Variants in LEP observed in about 807,000 individuals in gnomAD.
The protein encoded by LEP is leptin (murine obesity homolog).
LEP carries 6 observed loss-of-function variants against 9.8 expected under a neutral mutation model. The observed-to-expected ratio is 0.61, with a 90% CI of 0.34 to 1.21. The LOEUF (loss-of-function observed/expected upper bound fraction) is 1.21, where lower values mean the gene tolerates loss of function less well. Among genes scored for constraint, LEP ranks in the 50% most tolerant of loss-of-function variants. LEP has a pLI of 0.04. For missense variants in LEP, 134 were observed against 198.1 expected (o/e 0.68, Z 1.94); for synonymous variants, 112 against 81.7 (o/e 1.37, Z -2.00).
chr7:128,245,501 C>T (rs1474764304), intron 1 of LEP, among the ~76,000 whole-genome samples: 1 of 152,176 alleles, frequency 6.6e-6, no homozygotes, highest in Non-Finnish European at 1.5e-5. Context: ...TTCTCATCCC[C>T]AAGTCCCTTC....
rs746345055 is a variant in LEP, at chr7:128,252,156, A to G, written c.138A>G (p.Ser46=). 1.9e-6 allele frequency: 3 copies of G among 1,614,182 alleles called. No homozygotes were observed. The highest frequency in any genetic ancestry group is 2.2e-5 in the East Asian group (1 of 44,886). ...KTIVTRINDI[S]HTQSVSSKQK... ...TTGTCACCAGGATCAATGACATTTC[A>G]CACACGGTAAGGAGAGTATGCGGGG... The change falls in exon 2 of 3, where the codon TCA becomes TCG. Residue 46 remains serine, a synonymous_variant. Coordinates refer to ENST00000308868, the MANE Select transcript of LEP (RefSeq NM_000230.3).
At position 128,254,817 on chromosome 7, in the gene LEP, C is replaced by G. The variant is rs1795318293; in HGVS notation, c.*54C>G. 6.3e-7 allele frequency: 1 copy of G among 1,589,030 alleles called. No homozygotes were observed. ...ACTACGTTAAGGGAAGGAACTCTGG[C>G]TTCCAGGTATCTCCAGGATTGAAGA... On this transcript the variant is annotated 3_prime_UTR_variant, in exon 3 of 3. Transcript: ENST00000308868.
chr7:128,247,192 T>C (rs1431209528), intron 1 of LEP, among the ~76,000 whole-genome samples: 1 of 152,170 alleles, frequency 6.6e-6, no homozygotes, highest in African/African-American at 2.4e-5. Context: ...GCGGCCTTTC[T>C]TCCACCCCAA....
At chr7:128,242,131 G>T (rs533915494) in intron 1 of LEP, among the ~76,000 whole-genome samples, 16 of 152,326 alleles carry the variant, frequency 1.1e-4, no homozygotes, top group South Asian at 4.1e-4. Flanking sequence ...AAAGATAGTG[G>T]TGCTTTGGGA....
chr7:128,254,994 C>G lies in LEP; in HGVS notation c.*231C>G. The G allele has an allele frequency of 1.8e-6, 1 of 552,226 alleles. No homozygotes were observed. Among genetic ancestry groups the G allele is most frequent in the East Asian group, 3.2e-5 (1 of 31,638 alleles). The allele number at this position is 552,226 out of a possible 1,614,324, so 34.2% of individuals were successfully genotyped here. A position where few individuals can be genotyped will look rare whatever the true frequency, so the allele number is the denominator to read the frequency against. On this transcript the variant is annotated 3_prime_UTR_variant, in exon 3 of 3. Transcript: ENST00000308868. ...ATTCTCACCAGGAAGGGGGTCCACC[C>G]AGCAAAGAGTGGGCTGCATCTGGGA...
At chr7:128,251,318 G>T (rs1795272322) in intron 1 of LEP, among the ~76,000 whole-genome samples, 1 of 152,194 alleles carries the variant, frequency 6.6e-6, no homozygotes, top group Admixed American at 6.6e-5. Flanking sequence ...CACTGCGTCT[G>T]ACATATTATT....
At chr7:128,247,937 A>G (rs1795230426) in intron 1 of LEP, among the ~76,000 whole-genome samples, 2 of 152,218 alleles carry the variant, frequency 1.3e-5, no homozygotes, top group Admixed American at 1.3e-4. Flanking sequence ...TTTAAGCACC[A>G]TGACTTTCTT....
chr7:128,247,087 T>C (rs1795219966), intron 1 of LEP, among the ~76,000 whole-genome samples: 1 of 152,210 alleles, frequency 6.6e-6, no homozygotes, highest in Admixed American at 6.5e-5. Flanking sequence ...CAGCAGCTCA[T>C]CTTTTAACTC....
intron 1 of LEP, among the ~76,000 whole-genome samples, chr7:128,246,750 C>T (rs1482516950): frequency 1.3e-5 from 2 of 152,132 alleles, no homozygotes; most frequent in Non-Finnish European, 2.9e-5. Context: ...GGCTGAGCCA[C>T]CACACCCAGC....
At chr7:128,249,386 C>G (rs1202952438) in intron 1 of LEP, among the ~76,000 whole-genome samples, 2 of 152,346 alleles carry the variant, frequency 1.3e-5, no homozygotes, top group East Asian at 3.9e-4. Context: ...GGTCTTTGTC[C>G]TCCTGGTTCA....
chr7:128,253,332 C>G (rs1017591538), intron 2 of LEP, among the ~76,000 whole-genome samples: 1 of 152,222 alleles, frequency 6.6e-6, no homozygotes, highest in Admixed American at 6.5e-5. Flanking sequence ...AGTGCCCACC[C>G]TGGTCTTTTC....
chr7:128,254,976 C>T lies in LEP; in HGVS notation c.*213C>T, dbSNP rs202242436. 1.7e-6 allele frequency: 1 copy of T among 581,536 alleles called. No individual in the cohort carries two copies. The highest frequency in any genetic ancestry group is 3.0e-5 in the East Asian group (1 of 33,610). 36.0% of individuals were successfully genotyped at this position (581,536 alleles called of 1,614,324 possible). ...ATATATACACAGGATCCTATTCTCA[C>T]CAGGAAGGGGGTCCACCCAGCAAAG... On this transcript the variant is annotated 3_prime_UTR_variant, in exon 3 of 3. Coordinates refer to ENST00000308868, the MANE Select transcript of LEP (RefSeq NM_000230.3).
intron 1 of LEP, among the ~76,000 whole-genome samples, chr7:128,244,183 C>T (rs778979036): frequency 1.3e-5 from 2 of 151,732 alleles, no homozygotes; most frequent in Admixed American, 6.6e-5. Flanking sequence ...CCCGGGAAGT[C>T]GGGGGTCCAG....
chr7:128,250,065 A>C (rs537044765), intron 1 of LEP, among the ~76,000 whole-genome samples: 49 of 152,310 alleles, frequency 3.2e-4, no homozygotes, highest in African/African-American at 1.2e-3. Context: ...GGGTAGGAGG[A>C]AAGGAAAGGA....
intron 1 of LEP, 61 bp downstream of exon 1, chr7:128,241,367 C>T (rs1293758488): frequency 1.3e-5 from 2 of 153,474 alleles, no homozygotes; most frequent in Admixed American, 6.5e-5. Flanking sequence ...GGCCACAGGG[C>T]CCCACACAAC....
intron 1 of LEP, among the ~76,000 whole-genome samples, chr7:128,249,726 T>C (rs2116216979): frequency 6.6e-6 from 1 of 152,098 alleles, no homozygotes; most frequent in East Asian, 1.9e-4. Context: ...GTGTGTGATG[T>C]TTGTATGAGC....
At position 128,252,039 on chromosome 7, in the gene LEP, C is replaced by T. The variant is rs201523305; in HGVS notation, c.21C>T (p.Cys7=). 331 of 1,614,050 alleles carry T rather than the reference C, an allele frequency of 2.1e-4. No homozygotes were observed. Among genetic ancestry groups the T allele is most frequent in the Admixed American group, 3.3e-4 (20 of 60,000 alleles). The change falls in exon 2 of 3, where the codon TGC becomes TGT. Residue 7 remains cysteine (C), a synonymous_variant. Coordinates refer to ENST00000308868, the MANE Select transcript of LEP (RefSeq NM_000230.3). ...GGAAAATGCATTGGGGAACCCTGTG[C>T]GGATTCTTGTGGCTTTGGCCCTATC... MHWGTL[C]GFLWLWPYLF... is the part of the protein sequence containing the mutation.
intron 1 of LEP, among the ~76,000 whole-genome samples, chr7:128,248,625 T>C (rs1358567260): frequency 6.6e-6 from 1 of 152,186 alleles, no homozygotes; most frequent in Non-Finnish European, 1.5e-5. Flanking sequence ...AAATAAATGT[T>C]CTTCCTTGCA....
chr7:128,250,146 G>C (rs142057007), intron 1 of LEP, among the ~76,000 whole-genome samples: 1 of 152,302 alleles, frequency 6.6e-6, no homozygotes, highest in East Asian at 1.9e-4. Flanking sequence ...GAGCCGCAGA[G>C]CCTAATCACT....
Sources: gnomAD v4.1 joint callset for allele counts (sites outside exome capture counted in the v4.1 genomes callset) on GRCh38, gnomAD v4.1.1 for gene constraint, MANE v1.5 for transcripts, NCBI Gene and HGNC (gene_info 2026-07-23, HGNC 2026-07-21) for gene names.